Variants in C7orf33 observed in about 807,000 individuals in gnomAD.
C7orf33 encodes chromosome 7 open reading frame 33.
In C7orf33, 15 loss-of-function variants were observed where a neutral mutation model predicts 13.4. The observed-to-expected ratio is 1.12, with a 90% CI of 0.75 to 1.72. C7orf33 has a LOEUF of 1.72. Among genes scored for constraint, C7orf33 ranks in the 40% most tolerant of loss-of-function variants. The probability of loss-of-function intolerance (pLI) is 0.00; values close to 1 mark genes in which losing one functional copy is unlikely to be tolerated. For missense variants in C7orf33, 187 were observed against 220.3 expected, an observed-to-expected ratio of 0.85 and a Z score of 0.96; for synonymous variants, 73 against 83.2, an observed-to-expected ratio of 0.88 and a Z score of 0.67.
chr7:148,605,530 A>G (rs1412768490), intron 1 of C7orf33, among the ~76,000 whole-genome samples: 2 of 152,144 alleles, frequency 1.3e-5, no homozygotes, highest in Non-Finnish European at 2.9e-5. Flanking sequence ...CATCCTAGCA[A>G]TGCTTCTTCA....
At chr7:148,592,991 C>G (rs1050551298) in intron 1 of C7orf33, among the ~76,000 whole-genome samples, 10 of 152,082 alleles carry the variant, frequency 6.6e-5, no homozygotes, top group Admixed American at 5.9e-4. Context: ...CAGGCACCCA[C>G]CACCACATCC....
chr7:148,598,763 T>G lies in C7orf33; in HGVS notation c.204+7634T>G, dbSNP rs13244448. The stretch of plus-strand genomic sequence containing the variant: ...ATATATATATATATATATATATATA[T>G]AGAGAGAGAGAGAGAGAGAGAGAGA... On this transcript the variant is annotated intron_variant, in intron 1 of 2. Transcript: ENST00000307003. Among the ~76,000 whole-genome samples, 192 of 26,142 alleles carry G rather than the reference T, an allele frequency of 7.3e-3. 5 individuals carry two copies. The highest frequency in any genetic ancestry group is 0.02 in the South Asian group (10 of 504). The allele number at this position is 26,142 out of a possible 152,430, so 17.2% of individuals were successfully genotyped here. A position where few individuals can be genotyped will look rare whatever the true frequency, so the allele number is the denominator to read the frequency against.
rs191612209 is a variant in C7orf33, at chr7:148,603,739, T to C, written c.205-10303T>C. ...AAAATAAGTCATTTGTTAAAGAACC[T>C]GTACTTCACTGTACCAACAGGAGAG... On this transcript the variant is annotated intron_variant, in intron 1 of 2. Coordinates refer to ENST00000307003, the MANE Select transcript of C7orf33 (RefSeq NM_145304.4). 3.9e-5 allele frequency among the ~76,000 whole-genome samples: 6 copies of C among 152,298 alleles called. No homozygotes were observed. In the East Asian group the frequency reaches 1.2e-3, roughly 29 times the overall value.
At chr7:148,603,731 A>G (rs1310531409) in intron 1 of C7orf33, among the ~76,000 whole-genome samples, 2 of 152,200 alleles carry the variant, frequency 1.3e-5, no homozygotes, top group East Asian at 1.9e-4. Context: ...GTCATTTGTT[A>G]AAGAACCTGT....
At chr7:148,591,776 T>C (rs1327840346) in intron 1 of C7orf33, among the ~76,000 whole-genome samples, 2 of 152,134 alleles carry the variant, frequency 1.3e-5, no homozygotes, top group African/African-American at 4.8e-5. Context: ...AAATGGGGTC[T>C]TGCCATGTTG....
At chr7:148,597,302 G>C (rs886186731) in intron 1 of C7orf33, among the ~76,000 whole-genome samples, 2 of 151,552 alleles carry the variant, frequency 1.3e-5, no homozygotes, top group Non-Finnish European at 2.9e-5. Flanking sequence ...ATTTTTTTGA[G>C]ATGGAGTTTC....
chr7:148,603,003 C>T (rs1303346851), intron 1 of C7orf33, among the ~76,000 whole-genome samples: 1 of 152,112 alleles, frequency 6.6e-6, no homozygotes, highest in Non-Finnish European at 1.5e-5. Context: ...ACAAGAAAAG[C>T]AAATGAAACC....
chr7:148,614,252 C>T lies in C7orf33; in HGVS notation c.415C>T (p.Leu139Phe), dbSNP rs1285640903. Residue 139 changes from leucine to phenylalanine, a missense_variant, in exon 2 of 3, where the codon CTC becomes TTC. Transcript: ENST00000307003. ...LSSSYLDLLTLSYKPGRTVTS... is the reference protein window; with the variant it reads ...LSSSYLDLLTFSYKPGRTVTS... ...TTCCAGTTACCTAGATCTGCTAACT[C>T]TCTCTTACAAGCCTGGGAGGACAGT... 1 of 1,614,188 alleles carries T rather than the reference C, an allele frequency of 6.2e-7. No homozygotes were observed. Among genetic ancestry groups the T allele is most frequent in the African/African-American group, 1.3e-5 (1 of 75,036 alleles).
intron 1 of C7orf33, among the ~76,000 whole-genome samples, chr7:148,611,546 C>G (rs1034888476): frequency 4.6e-5 from 7 of 152,156 alleles, no homozygotes; most frequent in Non-Finnish European, 7.3e-5. Flanking sequence ...ACTTCCGGCT[C>G]CCCATCCATG....
At chr7:148,603,557 G>A (rs979456148) in intron 1 of C7orf33, among the ~76,000 whole-genome samples, 10 of 152,116 alleles carry the variant, frequency 6.6e-5, no homozygotes, top group Non-Finnish European at 1.2e-4. Context: ...TGCAGGATCC[G>A]GGATGCAGCA....
intron 1 of C7orf33, 69 bp downstream of exon 1, chr7:148,591,198 A>ACT: frequency 7.7e-7 from 1 of 1,298,536 alleles, no homozygotes; most frequent in East Asian, 2.3e-5. Flanking sequence ...GAATTCATTC[A>ACT]CTCAATCCAT....
chr7:148,592,941 A>G (rs1462945212), intron 1 of C7orf33, among the ~76,000 whole-genome samples: 2 of 152,070 alleles, frequency 1.3e-5, no homozygotes, highest in Non-Finnish European at 2.9e-5. Context: ...CCTGAGTTCT[A>G]ATGATTCTCC....
At chr7:148,593,391 T>C (rs982465625) in intron 1 of C7orf33, among the ~76,000 whole-genome samples, 1 of 152,150 alleles carries the variant, frequency 6.6e-6, no homozygotes, top group African/African-American at 2.4e-5. Flanking sequence ...GCCTCCCAAG[T>C]AGCGGGAATT....
intron 1 of C7orf33, among the ~76,000 whole-genome samples, chr7:148,591,701 C>T (rs945799412): frequency 6.6e-5 from 10 of 152,126 alleles, no homozygotes; most frequent in Non-Finnish European, 1.5e-4. Flanking sequence ...CCAGAGGAGC[C>T]TCCCGGGTGG....
At chr7:148,613,961 A>G in intron 1 of C7orf33, 81 bp from the exon 2 acceptor site, 1 of 1,410,130 alleles carries the variant, frequency 7.1e-7, no homozygotes, top group Admixed American at 1.9e-5. Context: ...CTCAAAAGAA[A>G]TGTGAGAACA....
At chr7:148,608,731 C>A (rs941216652) in intron 1 of C7orf33, among the ~76,000 whole-genome samples, 1 of 152,160 alleles carries the variant, frequency 6.6e-6, no homozygotes, top group East Asian at 1.9e-4. Flanking sequence ...GCAGGAGAAT[C>A]GCTTGAACCT....
At chr7:148,602,383 T>A (rs1796426282) in intron 1 of C7orf33, among the ~76,000 whole-genome samples, 1 of 152,004 alleles carries the variant, frequency 6.6e-6, no homozygotes, top group Admixed American at 6.6e-5. Flanking sequence ...GATCACTTGA[T>A]GTCCGGAGTT....
At chr7:148,594,779 T>C (rs1242074284) in intron 1 of C7orf33, among the ~76,000 whole-genome samples, 1 of 152,146 alleles carries the variant, frequency 6.6e-6, no homozygotes, top group Non-Finnish European at 1.5e-5. Context: ...CAGTCCAATA[T>C]ATCCTTACAG....
At chr7:148,600,143 A>G (rs73747577) in intron 1 of C7orf33, among the ~76,000 whole-genome samples, 30,963 of 152,050 alleles carry the variant, frequency 0.2, 5,658 homozygotes, top group African/African-American at 0.48. Context: ...GGGGATGGGA[A>G]GAACCAGAGG....
Sources: gnomAD v4.1 joint callset for allele counts (sites outside exome capture counted in the v4.1 genomes callset) on GRCh38, gnomAD v4.1.1 for gene constraint, MANE v1.5 for transcripts, NCBI Gene and HGNC (gene_info 2026-07-23, HGNC 2026-07-21) for gene names.